TTLL11: variants seen among roughly 807,000 people sequenced by gnomAD.
TTLL11 encodes tubulin polyglutamylase TTLL11.
In TTLL11, 42 loss-of-function variants were observed where a neutral mutation model predicts 51.7. The ratio of observed to expected loss-of-function variants is 0.81; its 90% CI spans 0.64 to 1.05. TTLL11 has a LOEUF of 1.05. Ranked by LOEUF, TTLL11 falls within the 50% of genes least tolerant of loss-of-function variation. The probability of loss-of-function intolerance (pLI) is 0.00; values close to 1 mark genes in which losing one functional copy is unlikely to be tolerated. For synonymous variants in TTLL11, 381 were observed against 383.5 expected (o/e 0.99, Z 0.08); for missense variants, 799 against 940.4 (o/e 0.85, Z 1.97).
intron 8 of TTLL11, among the ~76,000 whole-genome samples, chr9:121,846,351 C>T (rs1257430122): frequency 2.0e-5 from 3 of 152,134 alleles, no homozygotes; most frequent in African/African-American, 7.2e-5. Flanking sequence ...TTCAACACCC[C>T]TCTATCAGTA....
intron 3 of TTLL11, among the ~76,000 whole-genome samples, chr9:122,010,197 A>G (rs952097525): frequency 6.6e-6 from 1 of 152,222 alleles, no homozygotes; most frequent in Non-Finnish European, 1.5e-5. Flanking sequence ...CTTTCCTCTT[A>G]ATCATCATTT....
chr9:122,050,262 G>C (rs535738287), intron 1 of TTLL11, among the ~76,000 whole-genome samples: 1 of 152,294 alleles, frequency 6.6e-6, no homozygotes, highest in South Asian at 2.1e-4. Flanking sequence ...TAATGTCCAA[G>C]GAAATCACCT....
At chr9:121,960,838 T>C (rs1025546909) in intron 6 of TTLL11, among the ~76,000 whole-genome samples, 1 of 152,070 alleles carries the variant, frequency 6.6e-6, no homozygotes, top group Non-Finnish European at 1.5e-5. Flanking sequence ...AGAAGGCTGC[T>C]GACTCTCACT....
intron 8 of TTLL11, among the ~76,000 whole-genome samples, chr9:121,846,141 T>A (rs1356761206): frequency 6.6e-6 from 1 of 152,190 alleles, no homozygotes; most frequent in African/African-American, 2.4e-5. Context: ...GTAGCTATAT[T>A]AATTTCAGAC....
chr9:121,970,282 A>C (rs1842514454), intron 6 of TTLL11, among the ~76,000 whole-genome samples: 1 of 152,248 alleles, frequency 6.6e-6, no homozygotes, highest in African/African-American at 2.4e-5. Flanking sequence ...ATTAAATTTT[A>C]GGCCTGCAGC....
At chr9:121,857,120 AC>A (rs1189148834) in intron 8 of TTLL11, among the ~76,000 whole-genome samples, 17 of 151,922 alleles carry the variant, frequency 1.1e-4, no homozygotes, top group Admixed American at 1.1e-3. Context: ...CACTTCCTAG[AC>A]CCCCAGGCCC....
chr9:121,836,015 GA>G (rs1358676800), intron 8 of TTLL11, among the ~76,000 whole-genome samples: 1 of 152,218 alleles, frequency 6.6e-6, no homozygotes, highest in African/African-American at 2.4e-5. Context: ...AGAATGACAA[GA>G]GGGATTACTA....
At chr9:121,913,967 T>C (rs529496310) in intron 6 of TTLL11, among the ~76,000 whole-genome samples, 107 of 152,274 alleles carry the variant, frequency 7.0e-4, no homozygotes, top group African/African-American at 2.5e-3. Context: ...TTTATCACTA[T>C]CTCGTTTAAC....
chr9:121,951,399 T>C (rs890795708), intron 6 of TTLL11, among the ~76,000 whole-genome samples: 153 of 152,174 alleles, frequency 1.0e-3, no homozygotes, highest in Non-Finnish European at 1.2e-4. Context: ...CCATATTGTA[T>C]AGCAAGTGGA....
At chr9:122,036,951 T>C (rs1046402377) in intron 2 of TTLL11, among the ~76,000 whole-genome samples, 1 of 152,216 alleles carries the variant, frequency 6.6e-6, no homozygotes, top group Admixed American at 6.5e-5. Context: ...GAAAAGTCTA[T>C]GTTCCAATCA....
At chr9:121,911,003 A>G (rs1047985670) in intron 6 of TTLL11, among the ~76,000 whole-genome samples, 12 of 152,234 alleles carry the variant, frequency 7.9e-5, no homozygotes, top group African/African-American at 2.4e-5. Context: ...TCTAATTGGT[A>G]TATGACTCTT....
At chr9:121,852,857 T>A (rs572760087) in intron 8 of TTLL11, among the ~76,000 whole-genome samples, 1 of 152,214 alleles carries the variant, frequency 6.6e-6, no homozygotes. Flanking sequence ...GACTGCGAGA[T>A]AATTTCAAGG....
intron 8 of TTLL11, among the ~76,000 whole-genome samples, chr9:121,823,670 T>C (rs1836653128): frequency 6.6e-6 from 1 of 152,236 alleles, no homozygotes; most frequent in African/African-American, 2.4e-5. Flanking sequence ...GCTGGTTACA[T>C]GGGTGTGTGC....
chr9:121,873,642 C>CTCTTCTTCTTCT (rs376804339), intron 6 of TTLL11, among the ~76,000 whole-genome samples: 1 of 133,998 alleles, frequency 7.5e-6, no homozygotes, highest in Non-Finnish European at 1.6e-5. Context: ...TCCTCCTCCT[C>CTCTTCTTCTTCT]TCTTCTTCTT....
chr9:122,001,216 C>T (rs932352570), intron 3 of TTLL11, among the ~76,000 whole-genome samples: 3 of 152,172 alleles, frequency 2.0e-5, no homozygotes, highest in African/African-American at 7.2e-5. Flanking sequence ...CTGCCTCAGG[C>T]TCCCGAGTAG....
At chr9:121,904,566 C>G (rs1258953275) in intron 6 of TTLL11, among the ~76,000 whole-genome samples, 4 of 152,246 alleles carry the variant, frequency 2.6e-5, no homozygotes, top group Non-Finnish European at 4.4e-5. Context: ...CCAGGCCCAA[C>G]AATCGCCTTT....
intron 1 of TTLL11, among the ~76,000 whole-genome samples, chr9:122,066,435 A>C (rs1845585387): frequency 6.6e-6 from 1 of 152,194 alleles, no homozygotes; most frequent in South Asian, 2.1e-4. Flanking sequence ...AGGGTCACAC[A>C]GACAGCAATC....
At chr9:122,075,182 G>C (rs1439302323) in intron 1 of TTLL11, among the ~76,000 whole-genome samples, 1 of 152,174 alleles carries the variant, frequency 6.6e-6, no homozygotes, top group Non-Finnish European at 1.5e-5. Context: ...CTATTGATAT[G>C]TAAGTACTAT....
At chr9:122,055,557 C>T (rs994572339) in intron 1 of TTLL11, among the ~76,000 whole-genome samples, 2 of 152,192 alleles carry the variant, frequency 1.3e-5, no homozygotes, top group Non-Finnish European at 2.9e-5. Flanking sequence ...TTTGGCAACA[C>T]ACTCACAGAC....
Sources: gnomAD v4.1 joint callset for allele counts (sites outside exome capture counted in the v4.1 genomes callset) on GRCh38, gnomAD v4.1.1 for gene constraint, MANE v1.5 for transcripts, NCBI Gene and HGNC (gene_info 2026-07-23, HGNC 2026-07-21) for gene names.